Variants in CLNK observed in about 807,000 individuals in gnomAD.
CLNK encodes the protein cytokine dependent hematopoietic cell linker.
A neutral mutation model predicts 68.6 loss-of-function variants in CLNK; 74 were observed. The observed-to-expected ratio is 1.08, with a 90% CI of 0.89 to 1.31. The LOEUF (loss-of-function observed/expected upper bound fraction) is 1.31. Ranked by LOEUF, CLNK falls within the 50% of genes most tolerant of loss-of-function variation. The pLI, the probability that CLNK is intolerant of heterozygous loss-of-function variation, is 0.00. For missense variants in CLNK, 553 were observed against 515.3 expected (o/e 1.07, Z -0.71); for synonymous variants, 198 against 172.2 (o/e 1.15, Z -1.17).
chr4:10,499,787 G>C (rs1181443954), intron 18 of CLNK, among the ~76,000 whole-genome samples: 1 of 152,110 alleles, frequency 6.6e-6, no homozygotes, highest in Non-Finnish European at 1.5e-5. Flanking sequence ...CCCTCTCCTT[G>C]GTTTGCAGAT....
chr4:10,679,614 C>T (rs1318457705), intron 1 of CLNK, among the ~76,000 whole-genome samples: 5 of 152,120 alleles, frequency 3.3e-5, no homozygotes, highest in Admixed American at 2.0e-4. Flanking sequence ...GCAATCTACT[C>T]ATCTGACAAA....
chr4:10,525,762 C>A, intron 14 of CLNK, 79 bp downstream of exon 14: 1 of 819,586 alleles, frequency 1.2e-6, no homozygotes, highest in Non-Finnish European at 1.9e-6. Flanking sequence ...CTCAGAAAGT[C>A]TTTGTGATCA....
chr4:10,650,413 G>A (rs61796801), intron 2 of CLNK, among the ~76,000 whole-genome samples: 16,497 of 152,064 alleles, frequency 0.11, 1,038 homozygotes, highest in East Asian at 0.21. Flanking sequence ...CGTATCCAAA[G>A]CAGGTTAAAT....
chr4:10,615,136 G>T (rs1377548261), intron 2 of CLNK, among the ~76,000 whole-genome samples: 3 of 152,046 alleles, frequency 2.0e-5, no homozygotes, highest in Non-Finnish European at 2.9e-5. Flanking sequence ...GCAGTGACCC[G>T]AGTTTGTGTC....
At chr4:10,713,287 T>C in the CLNK span, among the ~76,000 whole-genome samples, 11 of 152,106 alleles carry the variant, frequency 7.2e-5, no homozygotes, top group Admixed American at 1.3e-4. Context: ...ATGGGGGAGA[T>C]GGTGTTGTCA....
rs184754712 is a variant in CLNK at position 10,671,080 on chromosome 4, G to A, written c.-42-3169C>T. Among the ~76,000 whole-genome samples the A allele has an allele frequency of 2.2e-4, 34 of 152,270 alleles. No homozygotes were observed. In the East Asian group the frequency reaches 6.2e-3, roughly 28 times the overall value. ...TTATAGAGAGATCCCAAACTCTTCTGACATTTTAAAAAGCAGAATTTGAGG... is the reference window on the plus strand; with the variant it reads ...TTATAGAGAGATCCCAAACTCTTCTAACATTTTAAAAAGCAGAATTTGAGG... On this transcript the variant is annotated intron_variant, in intron 1 of 18. Transcript: ENST00000226951.
At chr4:10,671,910 A>G (rs1007580179) in intron 1 of CLNK, among the ~76,000 whole-genome samples, 14 of 152,342 alleles carry the variant, frequency 9.2e-5, no homozygotes, top group African/African-American at 2.9e-4. Flanking sequence ...CCTCACCTGA[A>G]CTAAAGAAGC....
intron 2 of CLNK, among the ~76,000 whole-genome samples, chr4:10,648,481 A>G (rs1723598978): frequency 1.3e-5 from 2 of 152,198 alleles, no homozygotes; most frequent in South Asian, 4.1e-4. Context: ...GGTTTATTTC[A>G]AGGCTTAATC....
chr4:10,616,328 C>A (rs1722224446), intron 2 of CLNK, among the ~76,000 whole-genome samples: 1 of 152,146 alleles, frequency 6.6e-6, no homozygotes, highest in Admixed American at 6.5e-5. Context: ...ACACATTAGA[C>A]TTAAGAAGAT....
intron 17 of CLNK, among the ~76,000 whole-genome samples, chr4:10,503,817 C>G (rs1714415094): frequency 9.4e-6 from 1 of 106,738 alleles, no homozygotes; most frequent in East Asian, 3.2e-4. Context: ...GAGTCTCCCT[C>G]TGTTGCCCAG....
At chr4:10,571,636 T>G (rs1720357768) in intron 5 of CLNK, 105 bp downstream of exon 5, 2 of 926,132 alleles carry the variant, frequency 2.2e-6, no homozygotes, top group Non-Finnish European at 3.4e-6. Flanking sequence ...GCACGCAGCC[T>G]GTTACTGTTG....
chr4:10,555,339 A>G (rs908258765), intron 8 of CLNK, among the ~76,000 whole-genome samples: 2 of 152,204 alleles, frequency 1.3e-5, no homozygotes, highest in South Asian at 2.1e-4. Flanking sequence ...AGAAAATGCA[A>G]TTTAGCTTCC....
chr4:10,619,909 T>G (rs1035675253), intron 2 of CLNK, among the ~76,000 whole-genome samples: 1 of 152,116 alleles, frequency 6.6e-6, no homozygotes, highest in African/African-American at 2.4e-5. Flanking sequence ...TCTGCTTGGC[T>G]CAAAGCCCGG....
At chr4:10,508,549 A>G (rs142475532) in intron 16 of CLNK, among the ~76,000 whole-genome samples, 85 of 152,244 alleles carry the variant, frequency 5.6e-4, no homozygotes, top group African/African-American at 2.0e-3. Context: ...TATTTATATC[A>G]ATGTTAAATG....
chr4:10,522,401 C>A (rs1718116307), intron 14 of CLNK, among the ~76,000 whole-genome samples: 1 of 151,602 alleles, frequency 6.6e-6, no homozygotes. Context: ...TGGTGAAACC[C>A]TGTCTCTACT....
At chr4:10,641,579 C>T (rs994378687) in intron 2 of CLNK, among the ~76,000 whole-genome samples, 1 of 152,216 alleles carries the variant, frequency 6.6e-6, no homozygotes, top group African/African-American at 2.4e-5. Flanking sequence ...CCCCCAGTTG[C>T]TGGGAGTGCT....
At chr4:10,699,494 C>CTCTCTCTATA in the CLNK span, among the ~76,000 whole-genome samples, 129 of 56,868 alleles carry the variant, frequency 2.3e-3, no homozygotes, top group Middle Eastern at 0.014. Context: ...CTCTCTCTCT[C>CTCTCTCTATA]TATATATATA....
At chr4:10,679,151 C>T (rs36132382) in intron 1 of CLNK, among the ~76,000 whole-genome samples, 1 of 152,180 alleles carries the variant, frequency 6.6e-6, no homozygotes, top group African/African-American at 2.4e-5. Flanking sequence ...CAGCATGGTA[C>T]TGGTACCAAA....
intron 2 of CLNK, among the ~76,000 whole-genome samples, chr4:10,639,936 A>G (rs1723244902): frequency 6.6e-6 from 1 of 152,160 alleles, no homozygotes; most frequent in Non-Finnish European, 1.5e-5. Context: ...TATAACTAAG[A>G]CTCAGCTCCA....
Sources: allele counts gnomAD v4.1 joint callset (sites outside exome capture counted in the v4.1 genomes callset), GRCh38; gene constraint gnomAD v4.1.1; transcripts MANE v1.5; gene names NCBI Gene and HGNC (gene_info 2026-07-23, HGNC 2026-07-21).